Variants in AGRN observed in about 807,000 individuals in gnomAD.
AGRN encodes the protein agrin proteoglycan.
A neutral mutation model predicts 211.0 loss-of-function variants in AGRN; 106 were observed. That is an observed-to-expected ratio of 0.50 (90% CI 0.43 to 0.59). The LOEUF is 0.59. Ranked by LOEUF, AGRN falls within the 20% of genes least tolerant of loss-of-function variation. AGRN has a pLI of 0.00. For missense variants in AGRN, 3,040 were observed against 2,982.6 expected, an observed-to-expected ratio of 1.02 and a Z score of -0.45; for synonymous variants, 1,525 against 1,332.5, an observed-to-expected ratio of 1.14 and a Z score of -3.15.
At position 1,046,833 on chromosome 1, in the gene AGRN, G is replaced by T. The variant is rs150132566; in HGVS notation, c.3264G>T (p.Leu1088Phe). The T allele has an allele frequency of 6.2e-5, 98 of 1,585,712 alleles. No individual in the cohort carries two copies. The African/African-American group carries it at 1.2e-3, about 19-fold the overall frequency. The change falls in exon 19 of 36, where the codon TTG (leucine) becomes TTT (phenylalanine). Residue 1088 changes from leucine (L) to phenylalanine (F), a missense_variant. Leu to Phe is a conservative substitution (Grantham distance 22, BLOSUM62 0). Coordinates refer to ENST00000379370, the MANE Select transcript of AGRN (RefSeq NM_198576.4). ...SGGGSGGLEPLEGSSVATPGP... is the reference protein window; with the variant it reads ...SGGGSGGLEPFEGSSVATPGP... ...GCGTCTCCCCAGGGCTCGAGCCCTT[G>T]GAGGGCAGCAGCGTGGCCACCCCTG...
At chr1:1,053,351 C>A (rs563910688) in intron 33 of AGRN, 8 of 1,011,006 alleles carry the variant, frequency 7.9e-6, no homozygotes, top group Non-Finnish European at 1.3e-6. Flanking sequence ...CTCGAGGTCA[C>A]GCATGTCTTC....
intron 2 of AGRN, among the ~76,000 whole-genome samples, chr1:1,024,995 C>G (rs891352097): frequency 1.3e-5 from 2 of 152,156 alleles, no homozygotes; most frequent in Non-Finnish European, 2.9e-5. Flanking sequence ...CCCTCGCCAC[C>G]CTGTCCTGTC....
intron 7 of AGRN, among the ~76,000 whole-genome samples, chr1:1,042,427 T>A (rs1278790168): frequency 6.6e-6 from 1 of 152,118 alleles, no homozygotes; most frequent in Admixed American, 6.5e-5. Flanking sequence ...CTCTGGCCTG[T>A]CCGCATGTCT....
intron 4 of AGRN, 58 bp downstream of exon 4, chr1:1,040,938 C>A: frequency 1.7e-6 from 2 of 1,161,310 alleles, no homozygotes; most frequent in Non-Finnish European, 1.1e-6. Context: ...TGAGATGGAG[C>A]GAGGCTGGGA....
intron 3 of AGRN, among the ~76,000 whole-genome samples, chr1:1,038,087 A>G (rs1193834619): frequency 6.6e-6 from 1 of 152,042 alleles, no homozygotes; most frequent in East Asian, 1.9e-4. Flanking sequence ...TCCAGCCTGG[A>G]TGGGGATAGG....
At chr1:1,053,551 CGT>C (rs1557725459) in intron 33 of AGRN, 200 bp from the exon 34 acceptor site, 11 of 1,527,952 alleles carry the variant, frequency 7.2e-6, no homozygotes, top group East Asian at 2.5e-5. Flanking sequence ...TCCTCCCGCC[CGT>C]CTCTCTGATC....
chr1:1,044,371 G>A lies in AGRN; in HGVS notation c.2186G>A (p.Cys729Tyr), dbSNP rs1384970457. 2 of 1,612,680 alleles carry A rather than the reference G, an allele frequency of 1.2e-6. No individual in the cohort carries two copies. Among genetic ancestry groups the A allele is most frequent in the Middle Eastern group, 1.6e-4 (1 of 6,084 alleles). ...GATGGGGTCACCTACAGCACCGAGTGTGAGCTGAAGAAGGCCAGGTGTGAG... is the reference window on the plus strand; with the variant it reads ...GATGGGGTCACCTACAGCACCGAGTATGAGCTGAAGAAGGCCAGGTGTGAG... ...GSDGVTYSTE[C>Y]ELKKARCESQ... The change falls in exon 12 of 36, where the codon TGT becomes TAT. Residue 729 changes from cysteine to tyrosine, a missense_variant. This residue lies in a region of AGRN where 1,498 missense variants were observed against 1,457.8 expected (regional missense o/e 1.03). Transcript: ENST00000379370.
Position 1,045,952 on chromosome 1 carries a change from C to G in AGRN, c.2681-12C>G, listed in dbSNP as rs1330492416. ...ACCCGAGCCACAGAGGTTTCCCATG[C>G]CCGTGCCCCAGACGCTTCTGCGCCT... On this transcript the variant is annotated splice_polypyrimidine_tract_variant and intron_variant, in intron 15 of 35. Transcript: ENST00000379370. 2 of 1,613,214 alleles carry G rather than the reference C, an allele frequency of 1.2e-6. No individual in the cohort carries two copies. The highest frequency in any genetic ancestry group is 3.3e-5 in the Admixed American group (2 of 60,022).
chr1:1,049,123 G>GGGGGGCCGGGGCAGCTCAGGGGGGT, intron 24 of AGRN, 64 bp downstream of exon 24: 1 of 689,228 alleles, frequency 1.5e-6, no homozygotes, highest in South Asian at 2.1e-5. Flanking sequence ...GGCGGGGGAG[G>GGGGGGCCGGGGCAGCTCAGGGGGGT]GGGGGCCGGG....
chr1:1,021,811 C>T (rs1644413051), intron 1 of AGRN, among the ~76,000 whole-genome samples: 1 of 152,266 alleles, frequency 6.6e-6, no homozygotes, highest in Non-Finnish European at 1.5e-5. Flanking sequence ...CCCCCTCCTC[C>T]ACTGCCCAAG....
intron 2 of AGRN, among the ~76,000 whole-genome samples, chr1:1,028,193 A>G (rs1450008090): frequency 1.3e-5 from 2 of 152,102 alleles, no homozygotes; most frequent in South Asian, 2.1e-4. Flanking sequence ...GAGGCTGTGG[A>G]CACGGGGCGG....
Position 1,049,426 on chromosome 1 carries a change from G to A in AGRN, c.4489G>A (p.Gly1497Ser), listed in dbSNP as rs747881567. ...CCTGGACACAGACCTCTTTGTGGGC[G>A]GCGTACCCGAGGACCAGGCTGCCGT... is the stretch of plus-strand genomic sequence containing the variant. ...LNLDTDLFVG[G>S]VPEDQAAVAL... Residue 1497 changes from glycine to serine, a missense_variant, in exon 25 of 36, where the codon GGC (glycine) becomes AGC (serine). Gly to Ser is a moderately conservative substitution (Grantham distance 56). This residue lies in a region of AGRN where 1,537 missense variants were observed against 1,505.0 expected (regional missense o/e 1.02). Coordinates refer to ENST00000379370, the MANE Select transcript of AGRN (RefSeq NM_198576.4). The A allele has an allele frequency of 5.6e-6, 9 of 1,599,304 alleles. No individual in the cohort carries two copies. Among genetic ancestry groups the A allele is most frequent in the East Asian group, 4.5e-5 (2 of 44,848 alleles).
Position 1,055,279 on chromosome 1 carries a change from C to A in AGRN, c.*298C>A. ...TGTCCCCGCCGGGAAGCAGCCCCGG[C>A]TCCTGAATCACCCTCGCTCCGTCAG... On this transcript the variant is annotated 3_prime_UTR_variant, in exon 36 of 36. Coordinates refer to ENST00000379370, the MANE Select transcript of AGRN (RefSeq NM_198576.4). The A allele has an allele frequency of 2.2e-6, 1 of 459,240 alleles. No homozygotes were observed. Among genetic ancestry groups the A allele is most frequent in the Non-Finnish European group, 4.1e-6 (1 of 246,142 alleles). 28.4% of individuals were successfully genotyped at this position (459,240 alleles called of 1,614,324 possible). A position where few individuals can be genotyped will look rare whatever the true frequency, so the allele number is the denominator to read the frequency against.
chr1:1,038,966 A>G (rs1644863301), intron 3 of AGRN, among the ~76,000 whole-genome samples: 1 of 152,176 alleles, frequency 6.6e-6, no homozygotes, highest in South Asian at 2.1e-4. Flanking sequence ...CCTCATGACT[A>G]TACTTACAGT....
At position 1,055,932 on chromosome 1, in the gene AGRN, A is replaced by T. The variant is rs1233677690; in HGVS notation, c.*951A>T. On this transcript the variant is annotated 3_prime_UTR_variant, in exon 36 of 36. Transcript: ENST00000379370. ...TGGCAGGGATGGCTCCGAAGCCAGA[A>T]ATGCCTTAAACTGCAACGTCCCGTC... 1 of 152,232 alleles carries T rather than the reference A, an allele frequency of 6.6e-6. No individual in the cohort carries two copies. The highest frequency in any genetic ancestry group is 1.5e-5 in the Non-Finnish European group (1 of 68,068). 9.4% of individuals were successfully genotyped at this position (152,232 alleles called of 1,614,324 possible).
chr1:1,049,121 A>AGGGGGGGCCGAG, intron 24 of AGRN, 62 bp downstream of exon 24: 1 of 258,966 alleles, frequency 3.9e-6, no homozygotes, highest in African/African-American at 8.0e-5. Context: ...CGGGCGGGGG[A>AGGGGGGGCCGAG]GGGGGGGCCG....
chr1:1,043,476 GTCT>G lies in AGRN; in HGVS notation c.1603+20_1603+22del. ...CCCTGTGGTCAGTGGCGGGTGAGGG[GTCT>G]GGTGGGGGTCGGGGAGAGAGAGGTT... On this transcript the variant is annotated intron_variant, in intron 8 of 35. Coordinates refer to ENST00000379370, the MANE Select transcript of AGRN (RefSeq NM_198576.4). 3 of 1,599,168 alleles carry G rather than the reference GTCT, an allele frequency of 1.9e-6. No individual in the cohort carries two copies. The highest frequency in any genetic ancestry group is 1.7e-6 in the Non-Finnish European group (2 of 1,177,436).
intron 2 of AGRN, among the ~76,000 whole-genome samples, chr1:1,025,441 C>G (rs1236452832): frequency 6.6e-6 from 1 of 152,166 alleles, no homozygotes; most frequent in East Asian, 1.9e-4. Context: ...GACCAGGCTC[C>G]CCTCAGTGTG....
intron 3 of AGRN, among the ~76,000 whole-genome samples, chr1:1,039,011 G>A (rs76088616): frequency 0.01 from 1,528 of 152,296 alleles, 26 homozygotes; most frequent in African/African-American, 0.034. Flanking sequence ...TGTGTGCTGG[G>A]CACCCTCTAA....
Sources: gnomAD v4.1 joint callset for allele counts (sites outside exome capture counted in the v4.1 genomes callset) on GRCh38, gnomAD v4.1.1 for gene constraint, gnomAD v4.1.1 regional missense constraint, MANE v1.5 for transcripts, NCBI Gene and HGNC (gene_info 2026-07-23, HGNC 2026-07-21) for gene names.